Variants in UQCC1 observed in about 807,000 individuals in gnomAD.
UQCC1 encodes the protein bFGF-repressed Zic-binding protein.
In UQCC1, 38 loss-of-function variants were observed where a neutral mutation model predicts 48.0. The observed-to-expected ratio is 0.79, with a 90% confidence interval of 0.61 to 1.04. UQCC1 has a LOEUF of 1.04. Among genes scored for constraint, UQCC1 ranks in the 50% least tolerant of loss-of-function variants. The probability of loss-of-function intolerance (pLI) is 0.00; values close to 1 mark genes in which losing one functional copy is unlikely to be tolerated. For missense variants in UQCC1, 368 were observed against 381.8 expected, an observed-to-expected ratio of 0.96 and a Z score of 0.30; for synonymous variants, 111 against 129.2, an observed-to-expected ratio of 0.86 and a Z score of 0.95.
At chr20:35,364,965 A>C (rs1314677143) in intron 6 of UQCC1, among the ~76,000 whole-genome samples, 1 of 152,194 alleles carries the variant, frequency 6.6e-6, no homozygotes, top group Non-Finnish European at 1.5e-5. Context: ...CTTTCCAGTG[A>C]GTAATTTTAC....
chr20:35,371,875 G>C (rs1294313326), intron 5 of UQCC1, among the ~76,000 whole-genome samples: 1 of 151,794 alleles, frequency 6.6e-6, no homozygotes, highest in Non-Finnish European at 1.5e-5. Flanking sequence ...AATGACCCAG[G>C]CATAATGGCA....
rs142457045 is a variant in UQCC1 at position 35,334,723 on chromosome 20, A to G, written c.573+12441T>C. ...AGTACCTGGAAGCTAACAGGCCACA[A>G]TAAAATGGATGGATAGATGGGTAAA... On this transcript the variant is annotated intron_variant, in intron 7 of 9. Coordinates refer to ENST00000374385, the MANE Select transcript of UQCC1 (RefSeq NM_018244.5). 7.2e-3 allele frequency among the ~76,000 whole-genome samples: 1,101 copies of G among 152,328 alleles called. 3 individuals carry two copies. Among genetic ancestry groups the G allele is most frequent in the Non-Finnish European group, 0.011 (782 of 68,018 alleles).
At chr20:35,358,580 C>T (rs1359869092) in intron 6 of UQCC1, among the ~76,000 whole-genome samples, 6 of 152,036 alleles carry the variant, frequency 3.9e-5, no homozygotes, top group African/African-American at 1.4e-4. Flanking sequence ...CAAGTTGCTC[C>T]TCCCAAGTTT....
Position 35,386,927 on chromosome 20 carries a change from C to T in UQCC1, c.130-2794G>A, listed in dbSNP as rs374796659. Among the ~76,000 whole-genome samples the T allele has an allele frequency of 2.0e-5, 3 of 152,084 alleles. No homozygotes were observed. In the South Asian group the frequency reaches 6.2e-4, roughly 32 times the overall value. ...CTACCCACTCTTGTCCTTGCACTTCCCGCAAAAAATTCACTCGACCCTTAA... is the reference window on the plus strand; with the variant it reads ...CTACCCACTCTTGTCCTTGCACTTCTCGCAAAAAATTCACTCGACCCTTAA... On this transcript the variant is annotated intron_variant, in intron 2 of 9. Coordinates refer to ENST00000374385, the MANE Select transcript of UQCC1 (RefSeq NM_018244.5).
At chr20:35,336,618 G>A (rs1025364600) in intron 7 of UQCC1, among the ~76,000 whole-genome samples, 6 of 151,966 alleles carry the variant, frequency 3.9e-5, no homozygotes, top group South Asian at 2.1e-4. Context: ...CAGCCCTGCC[G>A]ACACCTTAAT....
At chr20:35,345,535 A>G (rs1165526722) in intron 7 of UQCC1, 2 of 152,248 alleles carry the variant, frequency 1.3e-5, no homozygotes, top group Admixed American at 6.5e-5. Context: ...CAGCTACGAC[A>G]GAAAGAAAGC....
intron 7 of UQCC1, among the ~76,000 whole-genome samples, chr20:35,342,288 G>A (rs987622356): frequency 1.3e-5 from 2 of 152,236 alleles, no homozygotes; most frequent in African/African-American, 4.8e-5. Flanking sequence ...TGAGCCACAA[G>A]GTGGAGATGT....
chr20:35,372,325 A>G (rs1224183237), intron 5 of UQCC1, among the ~76,000 whole-genome samples: 4 of 152,018 alleles, frequency 2.6e-5, no homozygotes, highest in Non-Finnish European at 5.9e-5. Context: ...AAAAAAAGAA[A>G]AAGAAAAAAA....
rs143195738 is a variant in UQCC1 at position 35,337,887 on chromosome 20, C to T, written c.573+9277G>A. On this transcript the variant is annotated intron_variant, in intron 7 of 9. Coordinates refer to ENST00000374385, the MANE Select transcript of UQCC1 (RefSeq NM_018244.5). ...TCTGCCTTTTCACCAGACCCCTCCC[C>T]GTCACGGTCTCCTCTAGAAACACAT... is the stretch of plus-strand genomic sequence containing the variant. Among the ~76,000 whole-genome samples the T allele has an allele frequency of 3.3e-3, 502 of 152,204 alleles. 5 individuals are homozygous for T. The highest frequency in any genetic ancestry group is 4.5e-3 in the Non-Finnish European group (303 of 68,016).
At chr20:35,372,430 A>T (rs2061744829) in intron 5 of UQCC1, among the ~76,000 whole-genome samples, 1 of 152,222 alleles carries the variant, frequency 6.6e-6, no homozygotes, top group Admixed American at 6.5e-5. Flanking sequence ...GCAGGAAAAT[A>T]TTCTTTCCAG....
chr20:35,363,169 G>A (rs1298968437), intron 6 of UQCC1, among the ~76,000 whole-genome samples: 1 of 151,952 alleles, frequency 6.6e-6, no homozygotes, highest in Non-Finnish European at 1.5e-5. Flanking sequence ...CATTTGTTAC[G>A]ATGGGTCAGA....
chr20:35,356,560 TACA>T (rs147715105), intron 6 of UQCC1, among the ~76,000 whole-genome samples: 3,710 of 152,334 alleles, frequency 0.024, 143 homozygotes, highest in African/African-American at 0.086. Context: ...TCCTAATTTT[TACA>T]ACAACTCCAT....
At chr20:35,408,099 A>C (rs931154505) in intron 1 of UQCC1, among the ~76,000 whole-genome samples, 1 of 152,186 alleles carries the variant, frequency 6.6e-6, no homozygotes, top group Non-Finnish European at 1.5e-5. Flanking sequence ...ACAATGAGAC[A>C]CCATTTCATA....
chr20:35,313,750 G>A (rs893083900), intron 8 of UQCC1, among the ~76,000 whole-genome samples: 2 of 151,978 alleles, frequency 1.3e-5, no homozygotes, highest in South Asian at 2.1e-4. Flanking sequence ...TTCCCAAGCA[G>A]GTGGGATTAC....
At chr20:35,321,116 G>A (rs999289843) in intron 7 of UQCC1, among the ~76,000 whole-genome samples, 11 of 152,198 alleles carry the variant, frequency 7.2e-5, no homozygotes, top group Non-Finnish European at 1.0e-4. Flanking sequence ...CTTAGAAACA[G>A]AGTAAGAGTA....
chr20:35,327,785 T>C (rs550496767), intron 7 of UQCC1, among the ~76,000 whole-genome samples: 1 of 152,280 alleles, frequency 6.6e-6, no homozygotes, highest in East Asian at 1.9e-4. Flanking sequence ...GCAGATCACC[T>C]GAGGTCAGGA....
chr20:35,402,610 AACAAAATATATATATATATAT>A (rs2062182540), intron 1 of UQCC1, among the ~76,000 whole-genome samples: 1 of 138,784 alleles, frequency 7.2e-6, no homozygotes, highest in Admixed American at 7.1e-5. Flanking sequence ...CAAACAAACA[AACAAAATATATATATATATAT>A]AATATATATA....
At chr20:35,372,546 A>T (rs1238290851) in intron 5 of UQCC1, among the ~76,000 whole-genome samples, 1 of 152,188 alleles carries the variant, frequency 6.6e-6, no homozygotes, top group Non-Finnish European at 1.5e-5. Context: ...AAATAAAATG[A>T]TTTGTATTTA....
chr20:35,359,138 T>G (rs1324544558), intron 6 of UQCC1, among the ~76,000 whole-genome samples: 1 of 152,196 alleles, frequency 6.6e-6, no homozygotes, highest in Non-Finnish European at 1.5e-5. Context: ...TCCTGCCTTA[T>G]AGAAAATAAT....
Sources: gnomAD v4.1 joint callset for allele counts (sites outside exome capture counted in the v4.1 genomes callset) on GRCh38, gnomAD v4.1.1 for gene constraint, MANE v1.5 for transcripts, NCBI Gene and HGNC (gene_info 2026-07-23, HGNC 2026-07-21) for gene names.